The following TRPM3 variants were observed in gnomAD, a reference collection of about 807,000 sequenced individuals.
TRPM3 encodes long transient receptor potential channel 3.
TRPM3 carries 77 observed loss-of-function variants against 181.2 expected under a neutral mutation model. The ratio of observed to expected loss-of-function variants is 0.42; its 90% CI spans 0.35 to 0.51. The LOEUF is 0.51. Ranked by LOEUF, TRPM3 falls within the 20% of genes least tolerant of loss-of-function variation. TRPM3 has a pLI of 0.01. For missense variants in TRPM3, 1,759 were observed against 2,196.7 expected (o/e 0.80, Z 3.98); for synonymous variants, 745 against 796.4 (o/e 0.94, Z 1.09).
At chr9:70,575,269 C>T (rs2053637151) in intron 22 of TRPM3, among the ~76,000 whole-genome samples, 1 of 152,286 alleles carries the variant, frequency 6.6e-6, no homozygotes, top group Admixed American at 6.5e-5. Context: ...AAGGCTCCTG[C>T]ATCTACCTGG....
intron 6 of TRPM3, among the ~76,000 whole-genome samples, chr9:70,808,649 T>C (rs2091220822): frequency 1.3e-5 from 2 of 152,186 alleles, no homozygotes; most frequent in African/African-American, 4.8e-5. Context: ...GGGATATAGA[T>C]TGTGTTGTTT....
Position 71,027,711 on chromosome 9 carries a change from T to C in TRPM3, c.177+93467A>G, listed in dbSNP as rs185079228. Among the ~76,000 whole-genome samples, 1,399 of 151,834 alleles carry C rather than the reference T, an allele frequency of 9.2e-3. 13 individuals carry two copies. The highest frequency in any genetic ancestry group is 0.018 in the Admixed American group (269 of 15,252). ...AGAATAGACCAAGCTGAGGAAAAAA[T>C]CTCAGAGCCTTGAAGACTAGCTTTT... On this transcript the variant is annotated intron_variant, in intron 1 of 25. Coordinates refer to ENST00000677713, the MANE Select transcript of TRPM3 (RefSeq NM_001366145.2).
intron 1 of TRPM3, among the ~76,000 whole-genome samples, chr9:71,360,839 C>A (rs2092112193): frequency 6.6e-6 from 1 of 151,972 alleles, no homozygotes; most frequent in Non-Finnish European, 1.5e-5. Flanking sequence ...GAAAAATAAT[C>A]TGGAAGTTTG....
intron 20 of TRPM3, among the ~76,000 whole-genome samples, chr9:70,600,340 T>C (rs2132690230): frequency 6.6e-6 from 1 of 152,310 alleles, no homozygotes; most frequent in Admixed American, 6.5e-5. Context: ...GGCAGGTCTA[T>C]ATCCAGCTAT....
In TRPM3 at chr9:71,327,292, C is replaced by T. The variant is rs80247890; in HGVS notation, c.183+119361G>A. Among the ~76,000 whole-genome samples the T allele has an allele frequency of 2.5e-4, 38 of 152,320 alleles. No individual in the cohort carries two copies. In the East Asian group the frequency reaches 7.3e-3, roughly 29 times the overall value. ...GTTAGCTGTGAAAAGCAATGAACGA[C>T]TGCCAATGCCATTGTGCTAGTGACT... is the stretch of plus-strand genomic sequence containing the variant. On this transcript the variant is annotated intron_variant, in intron 1 of 24. Transcript: ENST00000357533.
chr9:70,617,762 C>G (rs2063012071), intron 17 of TRPM3, among the ~76,000 whole-genome samples: 1 of 152,114 alleles, frequency 6.6e-6, no homozygotes, highest in African/African-American at 2.4e-5. Flanking sequence ...GTCAGGAGTT[C>G]AAGACCAGGC....
intron 3 of TRPM3, among the ~76,000 whole-genome samples, chr9:70,857,738 T>C (rs750242186): frequency 6.6e-6 from 1 of 152,140 alleles, no homozygotes; most frequent in Non-Finnish European, 1.5e-5. Context: ...CGCAGATTAG[T>C]TAGTGTTTTT....
chr9:70,876,116 G>A (rs539321566), intron 1 of TRPM3, among the ~76,000 whole-genome samples: 12 of 151,698 alleles, frequency 7.9e-5, no homozygotes, highest in Non-Finnish European at 1.3e-4. Flanking sequence ...GGTTGTTCAA[G>A]GTTATTAGGC....
At chr9:70,970,457 A>G (rs554610905) in intron 1 of TRPM3, among the ~76,000 whole-genome samples, 2 of 152,306 alleles carry the variant, frequency 1.3e-5, no homozygotes, top group South Asian at 2.1e-4. Flanking sequence ...TTATCATTCA[A>G]GATATTCCAA....
intron 7 of TRPM3, among the ~76,000 whole-genome samples, chr9:70,766,756 G>C (rs2079213542): frequency 6.6e-6 from 1 of 152,186 alleles, no homozygotes; most frequent in African/African-American, 2.4e-5. Flanking sequence ...AACATGACAA[G>C]TAACACCATG....
At chr9:71,343,609 G>A (rs1390338681) in intron 1 of TRPM3, among the ~76,000 whole-genome samples, 1 of 152,096 alleles carries the variant, frequency 6.6e-6, no homozygotes, top group Non-Finnish European at 1.5e-5. Flanking sequence ...AATAATTACA[G>A]AAAGTAATTT....
At chr9:71,298,757 T>C (rs974694765) in intron 1 of TRPM3, among the ~76,000 whole-genome samples, 7 of 152,090 alleles carry the variant, frequency 4.6e-5, no homozygotes, top group Non-Finnish European at 8.8e-5. Flanking sequence ...AAAACAGGCC[T>C]CCTTCAGAGT....
intron 1 of TRPM3, among the ~76,000 whole-genome samples, chr9:70,977,568 A>C (rs541217941): frequency 3.0e-4 from 45 of 152,342 alleles, no homozygotes; most frequent in African/African-American, 1.1e-3. Context: ...CACTATCTGA[A>C]GTTAGCACAG....
intron 19 of TRPM3, among the ~76,000 whole-genome samples, chr9:70,605,572 C>T (rs1483890908): frequency 6.6e-6 from 1 of 151,900 alleles, no homozygotes; most frequent in African/African-American, 2.4e-5. Flanking sequence ...TTGTGTAGGA[C>T]GCTGTTTAAA....
intron 19 of TRPM3, among the ~76,000 whole-genome samples, chr9:70,605,376 A>AAAT (rs2060865211): frequency 6.6e-6 from 1 of 152,166 alleles, no homozygotes; most frequent in Non-Finnish European, 1.5e-5. Flanking sequence ...TGTCGGAGTT[A>AAAT]AATAAGATCA....
chr9:70,742,323 A>G (rs1343486591), intron 8 of TRPM3, among the ~76,000 whole-genome samples: 1 of 152,138 alleles, frequency 6.6e-6, no homozygotes, highest in Non-Finnish European at 1.5e-5. Context: ...AAATAGATAT[A>G]TAACTACATA....
At chr9:70,770,852 T>C (rs561289006) in intron 7 of TRPM3, among the ~76,000 whole-genome samples, 46 of 152,288 alleles carry the variant, frequency 3.0e-4, no homozygotes, top group African/African-American at 1.1e-3. Context: ...GAAATCCCAA[T>C]GATGCCTAGC....
intron 3 of TRPM3, among the ~76,000 whole-genome samples, chr9:70,850,642 T>G (rs2095189713): frequency 6.6e-6 from 1 of 152,214 alleles, no homozygotes; most frequent in South Asian, 2.1e-4. Context: ...TTTCTGTGCC[T>G]GTACACTGCT....
At chr9:71,314,125 G>A (rs139237068) in intron 1 of TRPM3, among the ~76,000 whole-genome samples, 2 of 152,078 alleles carry the variant, frequency 1.3e-5, no homozygotes, top group African/African-American at 4.8e-5. Context: ...GCATTATAAT[G>A]GTGTGATGAA....
Sources: allele counts gnomAD v4.1 joint callset (sites outside exome capture counted in the v4.1 genomes callset), GRCh38; gene constraint gnomAD v4.1.1; transcripts MANE v1.5; gene names NCBI Gene and HGNC (gene_info 2026-07-23, HGNC 2026-07-21).